Variants in YES1 observed in about 807,000 individuals in gnomAD.
YES1 encodes YES proto-oncogene 1, Src family tyrosine kinase.
YES1 carries 39 observed loss-of-function variants against 70.4 expected under a neutral mutation model. The observed-to-expected ratio is 0.55, with a 90% CI of 0.43 to 0.72. YES1 has a LOEUF of 0.72. Among genes scored for constraint, YES1 ranks in the 30% least tolerant of loss-of-function variants. The pLI, the probability that YES1 is intolerant of heterozygous loss-of-function variation, is 0.00. For missense variants in YES1, 495 were observed against 644.8 expected (o/e 0.77, Z 2.52); for synonymous variants, 198 against 218.6 (o/e 0.91, Z 0.83).
rs185447950 is a variant in YES1 at position 722,492 on chromosome 18, T to C, written c.*1932A>G. On this transcript the variant is annotated 3_prime_UTR_variant, in exon 12 of 12. Coordinates refer to ENST00000314574, the MANE Select transcript of YES1 (RefSeq NM_005433.4). ...ATCCTGAAAATAGAGGGGCCTAATA[T>C]AAGGCTTAATTTAAAGTGTGACTAT... 1 of 152,698 alleles carries C rather than the reference T, an allele frequency of 6.5e-6. No individual in the cohort carries two copies. The highest frequency in any genetic ancestry group is 1.9e-4 in the East Asian group (1 of 5,190). 9.5% of individuals were successfully genotyped at this position (152,698 alleles called of 1,614,324 possible). A position where few individuals can be genotyped will look rare whatever the true frequency, so the allele number is the denominator to read the frequency against.
chr18:742,972 A>G lies in YES1; in HGVS notation c.1006T>C (p.Tyr336His), dbSNP rs1310003225. ...KLRHDKLVPL[Y>H]AVVSEEPIYI... is the part of the protein sequence containing the mutation. ...ATTGGTTCTTCAGAAACAACAGCAT[A>G]TAGTGGAACAAGTTTATCATGTCTT... is the stretch of plus-strand genomic sequence containing the variant. The change falls in exon 8 of 12, where the codon TAT becomes CAT. Residue 336 changes from tyrosine to histidine, a missense_variant. Tyr to His is a moderately conservative substitution (Grantham distance 83, BLOSUM62 2). Transcript: ENST00000314574. The G allele has an allele frequency of 1.9e-6, 3 of 1,609,602 alleles. No homozygotes were observed. The highest frequency in any genetic ancestry group is 2.5e-6 in the Non-Finnish European group (3 of 1,179,106).
intron 1 of YES1, among the ~76,000 whole-genome samples, chr18:811,888 G>T (rs1050737372): frequency 1.3e-5 from 2 of 152,280 alleles, no homozygotes; most frequent in African/African-American, 4.8e-5. Flanking sequence ...CGGCAGGTCT[G>T]GACAGGGCAG....
intron 1 of YES1, among the ~76,000 whole-genome samples, chr18:769,647 G>C (rs946637343): frequency 6.6e-6 from 1 of 152,122 alleles, no homozygotes; most frequent in Non-Finnish European, 1.5e-5. Flanking sequence ...TTTGTCAAAA[G>C]CTTTTCTACA....
chr18:756,898 G>T lies in YES1; in HGVS notation c.-8-63C>A, dbSNP rs878925247. On this transcript the variant is annotated intron_variant, in intron 1 of 11. Coordinates refer to ENST00000314574, the MANE Select transcript of YES1 (RefSeq NM_005433.4). ...ACACAGGATACTTCAAAAAGACAGG[G>T]TTCAAAAAATCATTTTAAGAAAAGC... The T allele has an allele frequency of 4.6e-5, 66 of 1,448,798 alleles. No individual in the cohort carries two copies. In the South Asian group the frequency reaches 8.4e-4, roughly 18 times the overall value. 89.7% of individuals were successfully genotyped at this position (1,448,798 alleles called of 1,614,324 possible).
chr18:742,392 G>A (rs2080225809), intron 8 of YES1, among the ~76,000 whole-genome samples: 2 of 151,326 alleles, frequency 1.3e-5, no homozygotes, highest in Admixed American at 6.6e-5. Context: ...GCCAAAAAGG[G>A]AGGACTGCCT....
rs2079967044 is a variant in YES1 at position 722,682 on chromosome 18, A to G, written c.*1742T>C. 1 of 152,176 alleles carries G rather than the reference A, an allele frequency of 6.6e-6. No homozygotes were observed. Among genetic ancestry groups the G allele is most frequent in the Admixed American group, 6.5e-5 (1 of 15,274 alleles). 9.4% of individuals were successfully genotyped at this position (152,176 alleles called of 1,614,324 possible). ...TTTGTATGTTTCACTTTTGCACTTT[A>G]GGGTAAAAACTGTCCCCTTTTCACC... is the stretch of plus-strand genomic sequence containing the variant. On this transcript the variant is annotated 3_prime_UTR_variant, in exon 12 of 12. Coordinates refer to ENST00000314574, the MANE Select transcript of YES1 (RefSeq NM_005433.4).
At chr18:751,651 G>C in intron 3 of YES1, 54 bp downstream of exon 3, 1 of 1,227,342 alleles carries the variant, frequency 8.1e-7, no homozygotes, top group Non-Finnish European at 1.2e-6. Context: ...TGGTTCCTGT[G>C]TAAAGACCAG....
intron 1 of YES1, among the ~76,000 whole-genome samples, chr18:783,692 A>G (rs1905795944): frequency 6.6e-6 from 1 of 151,670 alleles, no homozygotes; most frequent in Non-Finnish European, 1.5e-5. Flanking sequence ...TCTCAGCTCA[A>G]TGCAACCTTG....
intron 1 of YES1, among the ~76,000 whole-genome samples, chr18:779,383 G>A (rs184173500): frequency 3.5e-4 from 50 of 144,156 alleles, no homozygotes; most frequent in African/African-American, 1.2e-3. Context: ...CAGCCTCGGA[G>A]ACAGAGTGAG....
At chr18:783,465 T>C (rs1364431548) in intron 1 of YES1, among the ~76,000 whole-genome samples, 1 of 151,942 alleles carries the variant, frequency 6.6e-6, no homozygotes, top group African/African-American at 2.4e-5. Context: ...ATGAATGCAA[T>C]GTTATAACAA....
At chr18:810,921 TG>T (rs1399946558) in intron 1 of YES1, among the ~76,000 whole-genome samples, 1 of 152,094 alleles carries the variant, frequency 6.6e-6, no homozygotes, top group Non-Finnish European at 1.5e-5. Flanking sequence ...CCATTCAAAA[TG>T]CTTCCTGTCC....
At chr18:776,743 T>C (rs1905406282) in intron 1 of YES1, among the ~76,000 whole-genome samples, 1 of 152,206 alleles carries the variant, frequency 6.6e-6, no homozygotes, top group African/African-American at 2.4e-5. Flanking sequence ...TGACAATATA[T>C]GGTGATTCCT....
chr18:742,594 TGTAA>T (rs1438643297), intron 8 of YES1, among the ~76,000 whole-genome samples: 2 of 152,226 alleles, frequency 1.3e-5, no homozygotes, highest in African/African-American at 2.4e-5. Context: ...GTACTAAAAA[TGTAA>T]GTATCTTTCT....
chr18:748,138 A>G, intron 3 of YES1, 120 bp from the exon 4 acceptor site: 1 of 703,226 alleles, frequency 1.4e-6, no homozygotes, highest in Non-Finnish European at 2.4e-6. Flanking sequence ...TTATTTATGC[A>G]TTCATTGGAT....
intron 3 of YES1, among the ~76,000 whole-genome samples, chr18:751,457 TA>T (rs1451639760): frequency 6.6e-6 from 1 of 152,218 alleles, no homozygotes; most frequent in African/African-American, 2.4e-5. Flanking sequence ...CTCCCCTCAG[TA>T]ACTCTTCATT....
At chr18:802,960 G>A (rs1024936568) in intron 1 of YES1, among the ~76,000 whole-genome samples, 1 of 152,126 alleles carries the variant, frequency 6.6e-6, no homozygotes, top group Non-Finnish European at 1.5e-5. Flanking sequence ...GGGCATGGTG[G>A]CTCACACCTG....
At chr18:772,503 G>A (rs769753559) in intron 1 of YES1, among the ~76,000 whole-genome samples, 1 of 151,888 alleles carries the variant, frequency 6.6e-6, no homozygotes, top group African/African-American at 2.4e-5. Context: ...TGCGATCTCG[G>A]CTCACTGCAA....
At chr18:764,728 T>C (rs1007970403) in intron 1 of YES1, among the ~76,000 whole-genome samples, 1 of 152,180 alleles carries the variant, frequency 6.6e-6, no homozygotes, top group African/African-American at 2.4e-5. Flanking sequence ...TATCTGAATC[T>C]TTCTTTTTTC....
At chr18:732,683 T>C in intron 11 of YES1, 151 bp downstream of exon 11, 1 of 1,042,524 alleles carries the variant, frequency 9.6e-7, no homozygotes, top group Non-Finnish European at 1.4e-6. Context: ...ACCCATCCAA[T>C]GCCACAGTAA....
Sources: allele counts gnomAD v4.1 joint callset (sites outside exome capture counted in the v4.1 genomes callset), GRCh38; gene constraint gnomAD v4.1.1; transcripts MANE v1.5; gene names NCBI Gene and HGNC (gene_info 2026-07-23, HGNC 2026-07-21).